PRKAR1B: variants seen among roughly 807,000 people sequenced by gnomAD.
The protein encoded by PRKAR1B is protein kinase cAMP-dependent type I regulatory subunit beta.
A neutral mutation model predicts 46.5 loss-of-function variants in PRKAR1B; 22 were observed. The observed-to-expected ratio is 0.47, with a 90% confidence interval of 0.34 to 0.68. PRKAR1B has a LOEUF of 0.68. Ranked by LOEUF, PRKAR1B falls within the 30% of genes least tolerant of loss-of-function variation. The probability of loss-of-function intolerance (pLI) is 0.01; values close to 1 mark genes in which losing one functional copy is unlikely to be tolerated. For missense variants in PRKAR1B, 445 were observed against 535.6 expected (o/e 0.83, Z 1.67); for synonymous variants, 259 against 217.7 (o/e 1.19, Z -1.67).
chr7:553,153 CT>C (rs1408254832), intron 9 of PRKAR1B, among the ~76,000 whole-genome samples: 2 of 150,900 alleles, frequency 1.3e-5, no homozygotes, highest in South Asian at 2.1e-4. Context: ...ACTGTCCCCC[CT>C]GAGACTCCGC....
intron 6 of PRKAR1B, 83 bp from the exon 7 acceptor site, chr7:596,387 C>A: frequency 1.3e-6 from 2 of 1,504,912 alleles, no homozygotes; most frequent in Middle Eastern, 1.8e-4. Flanking sequence ...TCCCCCTTAG[C>A]TCTCTCCAGA....
chr7:711,658 G>A, intron 1 of PRKAR1B, 131 bp from the exon 2 acceptor site: 4 of 853,508 alleles, frequency 4.7e-6, no homozygotes, highest in Non-Finnish European at 5.3e-6. Flanking sequence ...ATTTGTCAAA[G>A]ATCTTTCATT....
chr7:581,241 T>C (rs1780166709), intron 8 of PRKAR1B, among the ~76,000 whole-genome samples: 1 of 148,274 alleles, frequency 6.7e-6, no homozygotes, highest in South Asian at 2.1e-4. Context: ...AGGCGGAGCT[T>C]GCAGTGAGCC....
At position 609,089 on chromosome 7, in the gene PRKAR1B, C is replaced by G. The variant is rs188671892; in HGVS notation, c.441-1637G>C. On this transcript the variant is annotated intron_variant, in intron 4 of 10. Transcript: ENST00000537384. ...GCAGGGCTGTAGGGAGAGCTGGGGGCCCTCCACTCTCCGCCCATGGGTGGT... is the reference window on the plus strand; with the variant it reads ...GCAGGGCTGTAGGGAGAGCTGGGGGGCCTCCACTCTCCGCCCATGGGTGGT... Among the ~76,000 whole-genome samples, 63 of 128,632 alleles carry G rather than the reference C, an allele frequency of 4.9e-4. 7 individuals carry two copies. Among genetic ancestry groups the G allele is most frequent in the Middle Eastern group, 4.3e-3 (1 of 234 alleles). 84.4% of individuals were successfully genotyped at this position (128,632 alleles called of 152,430 possible). A position where few individuals can be genotyped will look rare whatever the true frequency, so the allele number is the denominator to read the frequency against.
rs188297553 is a variant in PRKAR1B at position 636,947 on chromosome 7, G to T, written c.441-29495C>A. On this transcript the variant is annotated intron_variant, in intron 4 of 10. Coordinates refer to ENST00000537384, the MANE Select transcript of PRKAR1B (RefSeq NM_001164760.2). ...AGGGAAGGGGCCAGGTGCTGAAGGT[G>T]GGGGGTGGGGAGTGCCGGGACAGGC... Among the ~76,000 whole-genome samples the T allele has an allele frequency of 4.2e-4, 64 of 152,282 alleles. No homozygotes were observed. In the East Asian group the frequency reaches 0.01, roughly 25 times the overall value.
chr7:607,733 T>C (rs1252857513), intron 4 of PRKAR1B: 4 of 342,890 alleles, frequency 1.2e-5, no homozygotes, highest in Admixed American at 4.8e-5. Flanking sequence ...ATGCCATACA[T>C]GCATTTTGAA....
In PRKAR1B at chr7:593,356, G is replaced by C. The variant is rs1256939038; in HGVS notation, c.708+2790C>G. 6.6e-6 allele frequency among the ~76,000 whole-genome samples: 1 copy of C among 152,170 alleles called. No homozygotes were observed. The highest frequency in any genetic ancestry group is 1.5e-5 in the Non-Finnish European group (1 of 68,028). On this transcript the variant is annotated intron_variant, in intron 7 of 10. Coordinates refer to ENST00000537384, the MANE Select transcript of PRKAR1B (RefSeq NM_001164760.2). This position sits in a 1 kb window ranked among gnomAD's most constrained non-coding sequence, Gnocchi z 6.1. The stretch of plus-strand genomic sequence containing the variant: ...GAAACAGGAGCTGTGTGAGGAGCTC[G>C]GGGCCAATACAGAAACAGACACCAT...
intron 8 of PRKAR1B, among the ~76,000 whole-genome samples, chr7:582,137 C>T (rs535478470): frequency 1.6e-4 from 24 of 151,526 alleles, no homozygotes; most frequent in Middle Eastern, 6.8e-3. Context: ...CAGGACGAGA[C>T]GTCGTAAGGC....
intron 4 of PRKAR1B, among the ~76,000 whole-genome samples, chr7:653,663 C>G (rs1404663096): frequency 6.6e-6 from 1 of 152,118 alleles, no homozygotes; most frequent in African/African-American, 2.4e-5. Context: ...AGATTCAATC[C>G]CCTCCCAAAC....
chr7:630,713 C>G (rs1783686157), intron 4 of PRKAR1B, among the ~76,000 whole-genome samples: 1 of 152,074 alleles, frequency 6.6e-6, no homozygotes, highest in Admixed American at 6.6e-5. Context: ...ACTGCATCAC[C>G]AAAGCTGGAG....
chr7:625,081 A>G (rs1783312417), intron 4 of PRKAR1B, among the ~76,000 whole-genome samples: 1 of 152,252 alleles, frequency 6.6e-6, no homozygotes, highest in Admixed American at 6.5e-5. Context: ...CCGGAAGTGA[A>G]TTAAACTAGA....
At chr7:686,961 G>T (rs954078437) in intron 2 of PRKAR1B, among the ~76,000 whole-genome samples, 1 of 152,190 alleles carries the variant, frequency 6.6e-6, no homozygotes, top group Non-Finnish European at 1.5e-5. Flanking sequence ...AGAAGATTTT[G>T]TGTGGACACT....
chr7:711,676 GC>G, intron 1 of PRKAR1B, 149 bp from the exon 2 acceptor site: 1 of 781,080 alleles, frequency 1.3e-6, no homozygotes, highest in Non-Finnish European at 2.0e-6. Context: ...ATTCTGTGGG[GC>G]CAGGTGAGGT....
chr7:617,865 C>T (rs911694507), intron 4 of PRKAR1B, among the ~76,000 whole-genome samples: 2 of 152,196 alleles, frequency 1.3e-5, no homozygotes, highest in Admixed American at 1.3e-4. Context: ...CAGCCTCTAT[C>T]CGGGCAAAGG....
intron 4 of PRKAR1B, among the ~76,000 whole-genome samples, chr7:676,260 C>T (rs1786575449): frequency 6.6e-6 from 1 of 152,154 alleles, no homozygotes; most frequent in South Asian, 2.1e-4. Context: ...TGATCAACAT[C>T]CCCACACATG....
At chr7:715,777 G>A (rs1479552753) in intron 1 of PRKAR1B, among the ~76,000 whole-genome samples, 7 of 151,718 alleles carry the variant, frequency 4.6e-5, no homozygotes, top group African/African-American at 7.3e-5. Flanking sequence ...GTGCAGTGGC[G>A]TGATCTCTGC....
intron 2 of PRKAR1B, among the ~76,000 whole-genome samples, chr7:709,417 C>G (rs1199888439): frequency 1.4e-5 from 2 of 140,362 alleles, no homozygotes; most frequent in African/African-American, 2.7e-5. Flanking sequence ...GTCGCCCAGG[C>G]TAGAGTGCAG....
chr7:693,932 G>T (rs1779583473), intron 2 of PRKAR1B, among the ~76,000 whole-genome samples: 1 of 152,160 alleles, frequency 6.6e-6, no homozygotes, highest in Admixed American at 6.5e-5. Context: ...TTTTGCTTTT[G>T]TTTTTAATAT....
At chr7:605,346 G>T (rs563735649) in intron 6 of PRKAR1B, among the ~76,000 whole-genome samples, 1 of 152,218 alleles carries the variant, frequency 6.6e-6, no homozygotes, top group Non-Finnish European at 1.5e-5. Context: ...TCAGGCTGCC[G>T]TGCGGGGGGC....
Sources: gnomAD v4.1 joint callset for allele counts (sites outside exome capture counted in the v4.1 genomes callset) on GRCh38, gnomAD v4.1.1 for gene constraint, Gnocchi (gnomAD v3.1) non-coding constraint, MANE v1.5 for transcripts, NCBI Gene and HGNC (gene_info 2026-07-23, HGNC 2026-07-21) for gene names.